The following SUGCT variants were observed in gnomAD, a reference collection of about 807,000 sequenced individuals.
The protein encoded by SUGCT is succinyl-CoA:glutarate CoA-transferase.
SUGCT carries 41 observed loss-of-function variants against 55.0 expected under a neutral mutation model. The ratio of observed to expected loss-of-function variants is 0.74; its 90% CI spans 0.58 to 0.97. SUGCT has a LOEUF of 0.97. SUGCT is among the 50% of genes least tolerant of loss of function. The pLI, the probability that SUGCT is intolerant of heterozygous loss-of-function variation, is 0.00. For synonymous variants in SUGCT, 187 were observed against 200.4 expected (o/e 0.93, Z 0.56); for missense variants, 568 against 547.8 (o/e 1.04, Z -0.37).
chr7:40,218,790 A>G (rs1246319546), intron 6 of SUGCT, among the ~76,000 whole-genome samples: 2 of 152,208 alleles, frequency 1.3e-5, no homozygotes, highest in African/African-American at 4.8e-5. Flanking sequence ...TTGTAAACGC[A>G]CCAATCAGCA....
intron 13 of SUGCT, among the ~76,000 whole-genome samples, chr7:40,843,732 G>C (rs149676215): frequency 2.2e-3 from 331 of 152,210 alleles, no homozygotes; most frequent in African/African-American, 7.5e-3. Flanking sequence ...GAAGGCACAG[G>C]GTGGCTTGGT....
the SUGCT span, among the ~76,000 whole-genome samples, chr7:41,031,933 C>T: frequency 6.6e-6 from 1 of 152,008 alleles, no homozygotes; most frequent in Non-Finnish European, 1.5e-5. Context: ...AGTATAGGAG[C>T]CAGCTTCACT....
chr7:40,176,423 G>A (rs2150693667), intron 1 of SUGCT, among the ~76,000 whole-genome samples: 1 of 152,204 alleles, frequency 6.6e-6, no homozygotes, highest in South Asian at 2.1e-4. Flanking sequence ...GTTCACAAAT[G>A]TAGTATAATT....
chr7:40,252,045 A>G (rs1223677889), intron 7 of SUGCT, among the ~76,000 whole-genome samples: 4 of 152,204 alleles, frequency 2.6e-5, no homozygotes, highest in Non-Finnish European at 4.4e-5. Context: ...GAGATTTTCA[A>G]TATTCTATCT....
intron 6 of SUGCT, among the ~76,000 whole-genome samples, chr7:40,220,540 T>C (rs946794132): frequency 6.6e-6 from 1 of 152,198 alleles, no homozygotes; most frequent in Admixed American, 6.5e-5. Context: ...CTAAGTTGCA[T>C]GTGGAGGTGA....
intron 7 of SUGCT, among the ~76,000 whole-genome samples, chr7:40,239,677 C>G (rs116548330): frequency 0.016 from 2,471 of 152,278 alleles, 56 homozygotes; most frequent in African/African-American, 0.057. Context: ...ACAGTATATG[C>G]TCAACCTTAT....
At chr7:40,431,117 C>CAA (rs869159761) in intron 9 of SUGCT, among the ~76,000 whole-genome samples, 123 of 86,760 alleles carry the variant, frequency 1.4e-3, no homozygotes, top group South Asian at 0.012. Context: ...GACTTCGTCT[C>CAA]AAAAAAAAAA....
At chr7:40,328,616 T>C (rs1473332102) in intron 9 of SUGCT, among the ~76,000 whole-genome samples, 1 of 152,172 alleles carries the variant, frequency 6.6e-6, no homozygotes, top group Non-Finnish European at 1.5e-5. Context: ...TGGTAGTTTT[T>C]TGAAACAGGG....
At chr7:40,314,735 T>C (rs1795336317) in intron 8 of SUGCT, among the ~76,000 whole-genome samples, 1 of 149,162 alleles carries the variant, frequency 6.7e-6, no homozygotes, top group Non-Finnish European at 1.5e-5. Context: ...TGGCTAATTT[T>C]GTATTTGTAG....
chr7:40,996,642 C>A, the SUGCT span, among the ~76,000 whole-genome samples: 1 of 152,134 alleles, frequency 6.6e-6, no homozygotes, highest in Admixed American at 6.6e-5. Flanking sequence ...TTTTGTGTTT[C>A]TGGATGTTAG....
Position 40,651,844 on chromosome 7 carries a change from A to T in SUGCT, c.1090-97590A>T, listed in dbSNP as rs537476527. 2.6e-5 allele frequency among the ~76,000 whole-genome samples: 4 copies of T among 152,014 alleles called. No individual in the cohort carries two copies. The East Asian group carries it at 7.7e-4, about 29-fold the overall frequency. ...TTTTGTTTGAGTTTATGCGTCATTGATTCTGCCCTTCCTTCAATGCATATT... is the reference window on the plus strand; with the variant it reads ...TTTTGTTTGAGTTTATGCGTCATTGTTTCTGCCCTTCCTTCAATGCATATT... On this transcript the variant is annotated intron_variant, in intron 12 of 13. Transcript: ENST00000335693.
At chr7:40,677,173 C>A (rs1784035977) in intron 12 of SUGCT, among the ~76,000 whole-genome samples, 1 of 152,118 alleles carries the variant, frequency 6.6e-6, no homozygotes, top group African/African-American at 2.4e-5. Flanking sequence ...AATCCTGTTT[C>A]CAAACAGAAA....
intron 9 of SUGCT, among the ~76,000 whole-genome samples, chr7:40,322,507 TC>T (rs1795809537): frequency 6.6e-6 from 1 of 152,066 alleles, no homozygotes; most frequent in African/African-American, 2.4e-5. Flanking sequence ...AGACCATCTG[TC>T]CCCCCAGCTC....
chr7:40,179,442 C>G (rs1177245006), intron 1 of SUGCT, among the ~76,000 whole-genome samples: 1 of 151,898 alleles, frequency 6.6e-6, no homozygotes, highest in African/African-American at 2.4e-5. Context: ...TACAGGCGTG[C>G]GTCACCATAC....
At chr7:40,812,651 G>C (rs1791482870) in intron 13 of SUGCT, among the ~76,000 whole-genome samples, 1 of 151,846 alleles carries the variant, frequency 6.6e-6, no homozygotes, top group South Asian at 2.1e-4. Context: ...TATTGATCTT[G>C]TTTATCCTTT....
At chr7:40,226,238 A>G (rs965242909) in intron 6 of SUGCT, among the ~76,000 whole-genome samples, 3 of 152,206 alleles carry the variant, frequency 2.0e-5, no homozygotes, top group African/African-American at 7.2e-5. Flanking sequence ...CAAAAGAGAA[A>G]AGGAAATAAA....
At chr7:40,364,396 T>C (rs532428587) in intron 9 of SUGCT, among the ~76,000 whole-genome samples, 30 of 152,234 alleles carry the variant, frequency 2.0e-4, no homozygotes, top group African/African-American at 6.7e-4. Flanking sequence ...GTTGATGCAG[T>C]TTCTTCCTAG....
At chr7:40,479,068 A>T (rs1479595648) in intron 11 of SUGCT, among the ~76,000 whole-genome samples, 1 of 151,956 alleles carries the variant, frequency 6.6e-6, no homozygotes, top group Admixed American at 6.6e-5. Flanking sequence ...ATGTGTACCT[A>T]TATATATACA....
At chr7:40,797,944 C>A (rs896721462) in intron 13 of SUGCT, among the ~76,000 whole-genome samples, 2 of 152,196 alleles carry the variant, frequency 1.3e-5, no homozygotes, top group East Asian at 3.9e-4. Flanking sequence ...TATTGATTAG[C>A]CACTCAGATA....
Sources: gnomAD v4.1 joint callset for allele counts (sites outside exome capture counted in the v4.1 genomes callset) on GRCh38, gnomAD v4.1.1 for gene constraint, MANE v1.5 for transcripts, NCBI Gene and HGNC (gene_info 2026-07-23, HGNC 2026-07-21) for gene names.